AP2B1: variants seen among roughly 807,000 people sequenced by gnomAD.
The protein encoded by AP2B1 is AP-2 complex subunit beta.
Under a neutral mutation model 102.0 loss-of-function variants are expected in AP2B1, and 23 were observed. That is an observed-to-expected ratio of 0.23 (90% CI 0.16 to 0.32). The LOEUF is 0.32. Ranked by LOEUF, AP2B1 falls within the 10% of genes least tolerant of loss-of-function variation. AP2B1 has a pLI of 1.00. For synonymous variants in AP2B1, 381 were observed against 421.2 expected, an observed-to-expected ratio of 0.90 and a Z score of 1.17; for missense variants, 541 against 1,157.4, an observed-to-expected ratio of 0.47 and a Z score of 7.73.
chr17:35,722,797 TTA>T (rs2085441473), intron 21 of AP2B1, among the ~76,000 whole-genome samples: 1 of 152,226 alleles, frequency 6.6e-6, no homozygotes. Flanking sequence ...TTTTGCATGC[TTA>T]TATTATTGTT....
At chr17:35,682,910 C>A in intron 18 of AP2B1, 86 bp downstream of exon 18, 1 of 1,290,708 alleles carries the variant, frequency 7.7e-7, no homozygotes, top group Non-Finnish European at 1.0e-6. Flanking sequence ...CACAGTCTTA[C>A]TCTGTTGCCC....
intron 5 of AP2B1, among the ~76,000 whole-genome samples, chr17:35,621,615 T>C (rs2142525837): frequency 6.6e-6 from 1 of 152,334 alleles, no homozygotes; most frequent in Non-Finnish European, 1.5e-5. Context: ...CTTACTTTTC[T>C]CCATTTCATT....
At chr17:35,694,591 C>A (rs2076104779) in intron 18 of AP2B1, among the ~76,000 whole-genome samples, 1 of 151,874 alleles carries the variant, frequency 6.6e-6, no homozygotes, top group South Asian at 2.1e-4. Flanking sequence ...AACAGTAAAC[C>A]CAGGCTGAGC....
chr17:35,685,444 T>A (rs2075911407), intron 18 of AP2B1, among the ~76,000 whole-genome samples: 1 of 152,228 alleles, frequency 6.6e-6, no homozygotes, highest in Non-Finnish European at 1.5e-5. Flanking sequence ...TAAAGATTGA[T>A]CTAGCTTTTA....
At chr17:35,621,300 A>C in intron 5 of AP2B1, 1 of 985,330 alleles carries the variant, frequency 1.0e-6, no homozygotes, top group Non-Finnish European at 1.2e-6. Context: ...GATTTATTTT[A>C]AGTTTTCATT....
intron 1 of AP2B1, among the ~76,000 whole-genome samples, chr17:35,590,835 T>TA (rs746336254): frequency 2.6e-5 from 4 of 152,148 alleles, no homozygotes; most frequent in Non-Finnish European, 5.9e-5. Flanking sequence ...GAGCTACTGA[T>TA]AAAGGTATGA....
In AP2B1 at chr17:35,606,195, G is replaced by A. The variant is rs139328162; in HGVS notation, c.279+355G>A. 2.7e-3 allele frequency among the ~76,000 whole-genome samples: 413 copies of A among 152,126 alleles called. 1 individual carries two copies. The highest frequency in any genetic ancestry group is 9.0e-3 in the African/African-American group (373 of 41,512). ...GAGTCAGCAGTAGTGGAGACTGCCGGAGTTTCTACTTTCATTTCATTTAAT... is the reference window on the plus strand; with the variant it reads ...GAGTCAGCAGTAGTGGAGACTGCCGAAGTTTCTACTTTCATTTCATTTAAT... On this transcript the variant is annotated intron_variant, in intron 4 of 21. Transcript: ENST00000610402.
At chr17:35,689,978 G>T (rs1197226528) in intron 18 of AP2B1, among the ~76,000 whole-genome samples, 2 of 152,126 alleles carry the variant, frequency 1.3e-5, no homozygotes, top group African/African-American at 4.8e-5. Flanking sequence ...TCTGCAAGTT[G>T]ATAGTTTTCC....
At chr17:35,617,484 T>G (rs2074058025) in intron 5 of AP2B1, among the ~76,000 whole-genome samples, 1 of 152,246 alleles carries the variant, frequency 6.6e-6, no homozygotes, top group Non-Finnish European at 1.5e-5. Flanking sequence ...AGGTTAAGAT[T>G]AAAACTTTTA....
chr17:35,693,760 AC>A (rs2076085422), intron 18 of AP2B1, among the ~76,000 whole-genome samples: 1 of 151,612 alleles, frequency 6.6e-6, no homozygotes, highest in African/African-American at 2.4e-5. Flanking sequence ...AAAGCACAGA[AC>A]TTCTCGATTC....
rs892110789 is a variant in AP2B1 at position 35,624,700 on chromosome 17, T to C, written c.716+113T>C. Reference sequence around the variant, plus strand: ...AGGTCAGTGGCTTCTGGGGTAGATATTGCTATCTCCAGGGTATTTTCTCTC... The same window carrying C: ...AGGTCAGTGGCTTCTGGGGTAGATACTGCTATCTCCAGGGTATTTTCTCTC... On this transcript the variant is annotated intron_variant, in intron 6 of 21. Coordinates refer to ENST00000610402, the MANE Select transcript of AP2B1 (RefSeq NM_001030006.2). 22 of 901,430 alleles carry C rather than the reference T, an allele frequency of 2.4e-5. No homozygotes were observed. The East Asian group carries it at 2.6e-4, about 11-fold the overall frequency. 55.8% of individuals were successfully genotyped at this position (901,430 alleles called of 1,614,324 possible). A position where few individuals can be genotyped will look rare whatever the true frequency, so the allele number is the denominator to read the frequency against.
At chr17:35,720,677 C>T (rs2085361904) in intron 21 of AP2B1, among the ~76,000 whole-genome samples, 1 of 147,582 alleles carries the variant, frequency 6.8e-6, no homozygotes, top group African/African-American at 2.5e-5. Context: ...CCATCTCGGC[C>T]TCCCAAAGTG....
chr17:35,710,491 T>C (rs1451518498), intron 20 of AP2B1, among the ~76,000 whole-genome samples, 171 bp downstream of exon 20: 2 of 152,230 alleles, frequency 1.3e-5, no homozygotes, highest in Admixed American at 6.5e-5. Context: ...AAACGTGATA[T>C]GTTTTGATGT....
intron 5 of AP2B1, among the ~76,000 whole-genome samples, chr17:35,610,170 AG>A (rs2073815635): frequency 9.1e-6 from 1 of 109,852 alleles, no homozygotes; most frequent in Admixed American, 9.2e-5. Flanking sequence ...TTTGAGATGG[AG>A]TGTCACTCTG....
chr17:35,666,304 A>G (rs2075463975), intron 14 of AP2B1, among the ~76,000 whole-genome samples: 1 of 152,208 alleles, frequency 6.6e-6, no homozygotes, highest in Admixed American at 6.5e-5. Context: ...AACATGAACC[A>G]AGTTCCACTC....
intron 5 of AP2B1, chr17:35,621,414 A>G (rs1252700661): frequency 3.5e-6 from 3 of 866,714 alleles, no homozygotes; most frequent in Non-Finnish European, 4.2e-6. Context: ...GACTGTGGAG[A>G]TTAGGAGATG....
intron 1 of AP2B1, among the ~76,000 whole-genome samples, chr17:35,589,924 CTTTTT>C (rs71366465): frequency 6.7e-5 from 8 of 119,472 alleles, no homozygotes; most frequent in African/African-American, 2.6e-4. Flanking sequence ...TCTGTAACTT[CTTTTT>C]TTTTTTTTTT....
intron 3 of AP2B1, among the ~76,000 whole-genome samples, chr17:35,599,370 G>C (rs1452108821): frequency 6.6e-6 from 1 of 152,190 alleles, no homozygotes; most frequent in Non-Finnish European, 1.5e-5. Flanking sequence ...CAATGGATAC[G>C]TTTCAGGTTT....
At chr17:35,602,803 A>G (rs1213128042) in intron 3 of AP2B1, among the ~76,000 whole-genome samples, 7 of 152,178 alleles carry the variant, frequency 4.6e-5, no homozygotes, top group Admixed American at 4.6e-4. Flanking sequence ...GGCACTTAAC[A>G]CTTTTTACTT....
Sources: gnomAD v4.1 joint callset for allele counts (sites outside exome capture counted in the v4.1 genomes callset) on GRCh38, gnomAD v4.1.1 for gene constraint, MANE v1.5 for transcripts, NCBI Gene and HGNC (gene_info 2026-07-23, HGNC 2026-07-21) for gene names.